The following DENND6A variants were observed in gnomAD, a reference collection of about 807,000 sequenced individuals.
The protein encoded by DENND6A is protein DENND6A.
DENND6A carries 43 observed loss-of-function variants against 95.5 expected under a neutral mutation model. That is an observed-to-expected ratio of 0.45 (90% CI 0.35 to 0.58). The LOEUF is 0.58. Among genes scored for constraint, DENND6A ranks in the 20% least tolerant of loss-of-function variants. DENND6A has a pLI of 0.00. For synonymous variants in DENND6A, 257 were observed against 260.4 expected (o/e 0.99, Z 0.13); for missense variants, 574 against 736.0 (o/e 0.78, Z 2.55).
At chr3:57,679,865 T>C (rs2077146162) in intron 1 of DENND6A, among the ~76,000 whole-genome samples, 1 of 152,024 alleles carries the variant, frequency 6.6e-6, no homozygotes, top group African/African-American at 2.4e-5. Context: ...TGAGGAACTA[T>C]AGGAATTACA....
chr3:57,628,475 A>C (rs909729019), intron 19 of DENND6A, 130 bp from the exon 20 acceptor site: 1 of 1,309,862 alleles, frequency 7.6e-7, no homozygotes, highest in Non-Finnish European at 1.0e-6. Context: ...AAATTACAGA[A>C]ACTAAAAAAG....
intron 12 of DENND6A, among the ~76,000 whole-genome samples, chr3:57,636,326 G>T (rs1466630290): frequency 3.9e-5 from 6 of 152,116 alleles, no homozygotes; most frequent in Non-Finnish European, 7.4e-5. Flanking sequence ...AACTGTCCCA[G>T]TAATAATTTT....
At chr3:57,628,395 T>G in intron 19 of DENND6A, 50 bp from the exon 20 acceptor site, 1 of 1,586,278 alleles carries the variant, frequency 6.3e-7, no homozygotes, top group Non-Finnish European at 8.6e-7. Context: ...GAATCTGTAT[T>G]AATACATTAC....
intron 3 of DENND6A, 120 bp downstream of exon 3, chr3:57,672,136 T>G (rs1044710537): frequency 1.0e-6 from 1 of 971,332 alleles, no homozygotes; most frequent in Non-Finnish European, 1.5e-6. Context: ...AAAATAGGAA[T>G]AAAAATCATT....
At chr3:57,690,701 A>C (rs73088509) in intron 1 of DENND6A, among the ~76,000 whole-genome samples, 5,715 of 151,540 alleles carry the variant, frequency 0.038, 175 homozygotes, top group Non-Finnish European at 0.063. Context: ...AAAAAAAAAA[A>C]TCAGAGAAGG....
chr3:57,649,626 G>C (rs1246930603), intron 9 of DENND6A, among the ~76,000 whole-genome samples: 2 of 98,852 alleles, frequency 2.0e-5, no homozygotes, highest in Non-Finnish European at 4.0e-5. Flanking sequence ...ATCAATCAAT[G>C]AGTGAAAAAA....
At chr3:57,655,725 T>A (rs1168438823) in intron 9 of DENND6A, among the ~76,000 whole-genome samples, 1 of 152,242 alleles carries the variant, frequency 6.6e-6, no homozygotes, top group Non-Finnish European at 1.5e-5. Flanking sequence ...TATCTCATTA[T>A]GTATATGCAA....
intron 7 of DENND6A, among the ~76,000 whole-genome samples, chr3:57,660,154 G>A (rs73086462): frequency 0.14 from 20,679 of 150,622 alleles, 1,480 homozygotes; most frequent in South Asian, 0.21. Context: ...ATTAATAGAA[G>A]GTTAAAAAAG....
Position 57,630,529 on chromosome 3 carries a change from A to T in DENND6A, c.1518-6T>A. On this transcript the variant is annotated splice_region_variant and splice_polypyrimidine_tract_variant and intron_variant, in intron 17 of 19. Transcript: ENST00000311128. Reference sequence around the variant, plus strand: ...TTGGAGACTTTAGGAAATGCCTATAAAAATACATTTTAAAAAAGTAAAGTT... The same window carrying T: ...TTGGAGACTTTAGGAAATGCCTATATAAATACATTTTAAAAAAGTAAAGTT... The T allele has an allele frequency of 6.3e-7, 1 of 1,585,328 alleles. No homozygotes were observed.
rs540814976 is a variant in DENND6A, at chr3:57,640,570, T to C, written c.1132+1083A>G. 1.2e-4 allele frequency among the ~76,000 whole-genome samples: 19 copies of C among 152,332 alleles called. No individual in the cohort carries two copies. In the South Asian group the frequency reaches 3.9e-3, roughly 32 times the overall value. ...TCCAGCCTGGGCAACAGAGTGAGACTCTGTCACATAAATAGATAAATGTAG... is the reference window on the plus strand; with the variant it reads ...TCCAGCCTGGGCAACAGAGTGAGACCCTGTCACATAAATAGATAAATGTAG... On this transcript the variant is annotated intron_variant, in intron 12 of 19. Transcript: ENST00000311128.
intron 10 of DENND6A, 30 bp from the exon 11 acceptor site, chr3:57,645,786 A>C (rs753556814): frequency 5.8e-6 from 9 of 1,540,162 alleles, no homozygotes; most frequent in Non-Finnish European, 8.1e-6. Flanking sequence ...TGTAAAATAA[A>C]GGACACAGAA....
intron 7 of DENND6A, 110 bp downstream of exon 7, chr3:57,660,650 G>T: frequency 1.1e-6 from 1 of 909,160 alleles, no homozygotes; most frequent in Non-Finnish European, 1.6e-6. Flanking sequence ...TGAGGCTGCA[G>T]TGAGCTGTGA....
chr3:57,684,146 C>A (rs865825950), intron 1 of DENND6A, among the ~76,000 whole-genome samples: 2 of 55,692 alleles, frequency 3.6e-5, no homozygotes, highest in Admixed American at 2.9e-4. Context: ...AGTGAGACTC[C>A]GTCTCAAAAA....
chr3:57,650,695 T>C (rs1437177631), intron 9 of DENND6A, among the ~76,000 whole-genome samples: 5 of 151,970 alleles, frequency 3.3e-5, no homozygotes, highest in African/African-American at 1.2e-4. Flanking sequence ...ATGTGGACAG[T>C]AGCATTATTC....
At chr3:57,687,261 G>A (rs1372233841) in intron 1 of DENND6A, among the ~76,000 whole-genome samples, 1 of 152,196 alleles carries the variant, frequency 6.6e-6, no homozygotes, top group Non-Finnish European at 1.5e-5. Flanking sequence ...AAGTCTGAGT[G>A]GTCTGGATAG....
In DENND6A at chr3:57,645,725, A is replaced by G; in HGVS notation, c.973T>C (p.Phe325Leu). Residue 325 changes from phenylalanine (F) to leucine (L), a missense_variant, in exon 11 of 20, where the codon TTC becomes CTC. Physicochemically the swap from Phe to Leu is conservative, Grantham distance 22 (BLOSUM62 0). Around this residue, in one of 2 missense-constraint regions of DENND6A, gnomAD observed 452 missense variants for 630.9 expected, o/e 0.72. Transcript: ENST00000311128. ...TCATGAATAGTGAAATAAGGTCGGA[A>G]ATCACTGAAGTACTTTAATGGAGAA... ...CISPLKYFSDFRPYFTIHDSE... is the reference protein window; with the variant it reads ...CISPLKYFSDLRPYFTIHDSE... The G allele has an allele frequency of 6.2e-7, 1 of 1,613,514 alleles. No homozygotes were observed. Among genetic ancestry groups the G allele is most frequent in the Non-Finnish European group, 8.5e-7 (1 of 1,179,634 alleles).
intron 11 of DENND6A, among the ~76,000 whole-genome samples, chr3:57,642,435 G>A (rs959045131): frequency 4.6e-5 from 7 of 151,936 alleles, no homozygotes; most frequent in Non-Finnish European, 5.9e-5. Flanking sequence ...ATGAGTGGGC[G>A]TTTTTTGCCA....
chr3:57,633,580 T>A (rs1559804038), intron 14 of DENND6A, among the ~76,000 whole-genome samples: 1 of 152,132 alleles, frequency 6.6e-6, no homozygotes, highest in Non-Finnish European at 1.5e-5. Context: ...ATACTGTTCA[T>A]CCCATACTGT....
chr3:57,677,422 T>TC, intron 1 of DENND6A, among the ~76,000 whole-genome samples: 1 of 132,510 alleles, frequency 7.5e-6, no homozygotes, highest in Non-Finnish European at 1.6e-5. Context: ...TGTTGTCCTT[T>TC]TTTTTTTTTT....
Sources: gnomAD v4.1 joint callset for allele counts (sites outside exome capture counted in the v4.1 genomes callset) on GRCh38, gnomAD v4.1.1 for gene constraint, gnomAD v4.1.1 regional missense constraint, MANE v1.5 for transcripts, NCBI Gene and HGNC (gene_info 2026-07-23, HGNC 2026-07-21) for gene names.